FGD4: variants seen among roughly 807,000 people sequenced by gnomAD.
FGD4 encodes the protein FYVE, RhoGEF and PH domain containing 4.
A neutral mutation model predicts 102.0 loss-of-function variants in FGD4; 42 were observed. The observed-to-expected ratio is 0.41, with a 90% confidence interval of 0.32 to 0.53. The LOEUF (loss-of-function observed/expected upper bound fraction) is 0.53. FGD4 is among the 20% of genes least tolerant of loss of function. The pLI, the probability that FGD4 is intolerant of heterozygous loss-of-function variation, is 0.21. For synonymous variants in FGD4, 380 were observed against 375.7 expected (o/e 1.01, Z -0.13); for missense variants, 902 against 1,078.2 (o/e 0.84, Z 2.29).
At chr12:32,559,590 T>A (rs1351010509) in intron 1 of FGD4, among the ~76,000 whole-genome samples, 1 of 152,244 alleles carries the variant, frequency 6.6e-6, no homozygotes, top group Non-Finnish European at 1.5e-5. Flanking sequence ...TGTGTAATCA[T>A]GACTTTGATG....
chr12:32,433,146 A>G (rs1942111874), intron 1 of FGD4, among the ~76,000 whole-genome samples: 1 of 151,670 alleles, frequency 6.6e-6, no homozygotes, highest in Non-Finnish European at 1.5e-5. Context: ...ACAGGTGTGC[A>G]CCACCACACC....
At chr12:32,565,038 T>C (rs1026028407) in intron 2 of FGD4, among the ~76,000 whole-genome samples, 3 of 152,204 alleles carry the variant, frequency 2.0e-5, no homozygotes, top group African/African-American at 7.2e-5. Flanking sequence ...TAAACAGATA[T>C]GAGAAATAAT....
rs549580731 is a variant in FGD4, at chr12:32,402,831, G to C, written c.166+2872G>C. 1.6e-4 allele frequency among the ~76,000 whole-genome samples: 24 copies of C among 152,134 alleles called. No individual in the cohort carries two copies. The East Asian group carries it at 4.6e-3, about 29-fold the overall frequency. On this transcript the variant is annotated intron_variant, in intron 1 of 16. Transcript: ENST00000534526. Reference sequence around the variant, plus strand: ...CTGTAGGAGAATGATCTAGTGTTTTGAGAAGTAGTCTCAAACTACTGGATG... The same window carrying C: ...CTGTAGGAGAATGATCTAGTGTTTTCAGAAGTAGTCTCAAACTACTGGATG...
At chr12:32,526,068 A>G (rs910156550) in intron 1 of FGD4, among the ~76,000 whole-genome samples, 7 of 152,238 alleles carry the variant, frequency 4.6e-5, no homozygotes, top group Admixed American at 3.9e-4. Context: ...CGCAGGGGGC[A>G]GGACTGGCAG....
chr12:32,560,435 T>C (rs1944444702), intron 1 of FGD4, among the ~76,000 whole-genome samples: 2 of 152,180 alleles, frequency 1.3e-5, no homozygotes, highest in South Asian at 4.1e-4. Flanking sequence ...TTGTATTTTT[T>C]TGAAGAGACA....
intron 1 of FGD4, among the ~76,000 whole-genome samples, chr12:32,494,801 C>T (rs1937688097): frequency 6.6e-6 from 1 of 152,226 alleles, no homozygotes; most frequent in South Asian, 2.1e-4. Flanking sequence ...TGAGATGTCA[C>T]TGCTGGCCTT....
At chr12:32,503,669 G>A (rs1938428294) in intron 1 of FGD4, among the ~76,000 whole-genome samples, 1 of 152,052 alleles carries the variant, frequency 6.6e-6, no homozygotes, top group Non-Finnish European at 1.5e-5. Flanking sequence ...GCTCTAAGAA[G>A]CATCTTTTAA....
intron 1 of FGD4, among the ~76,000 whole-genome samples, chr12:32,446,236 G>C (rs190424663): frequency 6.6e-6 from 1 of 152,282 alleles, no homozygotes; most frequent in East Asian, 1.9e-4. Context: ...CCTAGACAAG[G>C]TAGGGTAGAA....
chr12:32,470,918 C>G (rs1023713783), intron 1 of FGD4, among the ~76,000 whole-genome samples: 2 of 152,132 alleles, frequency 1.3e-5, no homozygotes, highest in African/African-American at 4.8e-5. Flanking sequence ...GCTGACATGT[C>G]CCATCCTTGG....
intron 10 of FGD4, among the ~76,000 whole-genome samples, chr12:32,613,084 A>G (rs1012119439): frequency 6.6e-6 from 1 of 152,218 alleles, no homozygotes; most frequent in South Asian, 2.1e-4. Flanking sequence ...TTTCATTCTA[A>G]TTGTTATTAA....
chr12:32,542,538 C>A (rs1004236965), intron 1 of FGD4, among the ~76,000 whole-genome samples: 20 of 152,122 alleles, frequency 1.3e-4, no homozygotes, highest in African/African-American at 4.6e-4. Context: ...TCTGGACCTG[C>A]AGATAAATTT....
intron 1 of FGD4, among the ~76,000 whole-genome samples, chr12:32,493,486 A>G (rs1944180772): frequency 6.6e-6 from 1 of 152,178 alleles, no homozygotes; most frequent in African/African-American, 2.4e-5. Flanking sequence ...ACTAGAAAGC[A>G]TTCTTGCTGC....
chr12:32,477,609 T>C (rs2136536248), intron 1 of FGD4: 1 of 152,368 alleles, frequency 6.6e-6, no homozygotes, highest in East Asian at 1.9e-4. Flanking sequence ...AATGTGTTTA[T>C]ACATCTTGAT....
At chr12:32,627,724 G>C (rs1592464645) in intron 14 of FGD4, among the ~76,000 whole-genome samples, 1 of 152,128 alleles carries the variant, frequency 6.6e-6, no homozygotes, top group East Asian at 1.9e-4. Context: ...GCCAGCGAAG[G>C]CAGATAGCAC....
chr12:32,452,873 C>CAGTT lies in FGD4; in HGVS notation c.166+52916_166+52919dup, dbSNP rs1244795728. Among the ~76,000 whole-genome samples the CAGTT allele has an allele frequency of 5.3e-5, 8 of 151,966 alleles. No individual in the cohort carries two copies. In the East Asian group the frequency reaches 1.6e-3, roughly 30 times the overall value. On this transcript the variant is annotated intron_variant, in intron 1 of 16. Coordinates refer to ENST00000534526, the MANE Select transcript of FGD4 (RefSeq NM_001370298.3). ...GCATGGTGGTGCATGCCTCTAGTCC[C>CAGTT]AGTTACTCAGCAGGCTGAGGTGGGA... is the stretch of plus-strand genomic sequence containing the variant.
rs1943052477 is a variant in FGD4 at position 32,544,109 on chromosome 12, A to G, written c.167-20028A>G. ...ACTTAAACAAGAGTCACATGGTGCT[A>G]TGAGCTTAAATAATTACTAGTAAAA... On this transcript the variant is annotated intron_variant, in intron 1 of 16. Coordinates refer to ENST00000534526, the MANE Select transcript of FGD4 (RefSeq NM_001370298.3). This position sits in a 1 kb window ranked among gnomAD's most constrained non-coding sequence, Gnocchi z 4.1. 6.6e-6 allele frequency among the ~76,000 whole-genome samples: 1 copy of G among 152,164 alleles called. No individual in the cohort carries two copies. The highest frequency in any genetic ancestry group is 2.1e-4 in the South Asian group (1 of 4,816).
At chr12:32,584,842 G>A (rs10771965) in intron 4 of FGD4, among the ~76,000 whole-genome samples, 43,780 of 151,960 alleles carry the variant, frequency 0.29, 6,623 homozygotes, top group Middle Eastern at 0.49. Context: ...AGTCTTAAAT[G>A]TGTTTCATTT....
intron 1 of FGD4, among the ~76,000 whole-genome samples, chr12:32,425,460 G>A (rs1565732877): frequency 6.6e-6 from 1 of 152,320 alleles, no homozygotes; most frequent in East Asian, 1.9e-4. Context: ...GTACCATGCT[G>A]TTTTGGTTAC....
intron 4 of FGD4, among the ~76,000 whole-genome samples, chr12:32,589,837 A>G (rs1020754333): frequency 7.4e-6 from 1 of 135,286 alleles, no homozygotes; most frequent in African/African-American, 3.2e-5. Flanking sequence ...AGATTGTGCC[A>G]TTAACTCTCA....
Sources: allele counts gnomAD v4.1 joint callset (sites outside exome capture counted in the v4.1 genomes callset), GRCh38; gene constraint gnomAD v4.1.1; non-coding constraint Gnocchi (gnomAD v3.1); transcripts MANE v1.5; gene names NCBI Gene and HGNC (gene_info 2026-07-23, HGNC 2026-07-21).